The following ARHGAP22 variants were observed in gnomAD, a reference collection of about 807,000 sequenced individuals.
The protein encoded by ARHGAP22 is rho GTPase-activating protein 22.
In ARHGAP22, 48 loss-of-function variants were observed where a neutral mutation model predicts 59.1. That is an observed-to-expected ratio of 0.81 (90% CI 0.64 to 1.03). The LOEUF (loss-of-function observed/expected upper bound fraction) is 1.03. Ranked by LOEUF, ARHGAP22 falls within the 50% of genes least tolerant of loss-of-function variation. The probability of loss-of-function intolerance (pLI) is 0.00; values close to 1 mark genes in which losing one functional copy is unlikely to be tolerated. For missense variants in ARHGAP22, 1,015 were observed against 958.7 expected, an observed-to-expected ratio of 1.06 and a Z score of -0.78; for synonymous variants, 445 against 416.4, an observed-to-expected ratio of 1.07 and a Z score of -0.84.
chr10:48,451,592 A>G (rs1426636210), intron 8 of ARHGAP22: 2 of 701,522 alleles, frequency 2.9e-6, no homozygotes, highest in Non-Finnish European at 5.2e-6. Context: ...TGGGACAGGG[A>G]ATAGAGCCAT....
At chr10:48,452,130 T>C (rs1166060762) in intron 8 of ARHGAP22, among the ~76,000 whole-genome samples, 6 of 152,096 alleles carry the variant, frequency 3.9e-5, no homozygotes, top group African/African-American at 1.4e-4. Context: ...CAGCCCCCAG[T>C]CCTGGGGACT....
chr10:48,451,269 G>A, intron 8 of ARHGAP22, 129 bp from the exon 9 acceptor site: 1 of 1,300,800 alleles, frequency 7.7e-7, no homozygotes, highest in Non-Finnish European at 1.1e-6. Context: ...GCCCCTCAAG[G>A]GAGCCTTCAT....
chr10:48,582,409 T>A (rs901783029), intron 2 of ARHGAP22, among the ~76,000 whole-genome samples: 1 of 152,214 alleles, frequency 6.6e-6, no homozygotes, highest in Non-Finnish European at 1.5e-5. Flanking sequence ...GAGGCTATAC[T>A]GTGATGGGCG....
intron 3 of ARHGAP22, among the ~76,000 whole-genome samples, chr10:48,531,431 T>A (rs545052935): frequency 1.3e-5 from 2 of 152,262 alleles, no homozygotes; most frequent in African/African-American, 4.8e-5. Context: ...TACATTTTTT[T>A]AAAAAAGGAA....
At chr10:48,606,830 C>T (rs1189291065), upstream of ARHGAP22, among the ~76,000 whole-genome samples, 2 of 152,180 alleles carry the variant, frequency 1.3e-5, no homozygotes, top group East Asian at 3.9e-4. Flanking sequence ...CCCCTGGGCC[C>T]TTATCTATGT....
intron 2 of ARHGAP22, among the ~76,000 whole-genome samples, chr10:48,565,990 G>T (rs530114143): frequency 5.9e-5 from 9 of 152,210 alleles, no homozygotes; most frequent in African/African-American, 2.2e-4. Flanking sequence ...CAGGGCCCGG[G>T]ATGTCTGTAA....
chr10:48,543,625 G>A (rs1409311717), intron 3 of ARHGAP22, among the ~76,000 whole-genome samples: 1 of 152,162 alleles, frequency 6.6e-6, no homozygotes, highest in African/African-American at 2.4e-5. Flanking sequence ...CATTAGAAAT[G>A]CAGATTCCTT....
intron 2 of ARHGAP22, among the ~76,000 whole-genome samples, chr10:48,576,246 C>T (rs573658567): frequency 6.6e-6 from 1 of 152,324 alleles, no homozygotes; most frequent in South Asian, 2.1e-4. Flanking sequence ...CTTCCAAGAA[C>T]CTCCAATATG....
At chr10:48,488,833 G>A (rs2050098032) in intron 3 of ARHGAP22, among the ~76,000 whole-genome samples, 1 of 152,148 alleles carries the variant, frequency 6.6e-6, no homozygotes, top group African/African-American at 2.4e-5. Context: ...TTTTCTCTCT[G>A]TGCAGCTCTT....
chr10:48,547,677 A>C (rs1199817684), intron 3 of ARHGAP22, among the ~76,000 whole-genome samples: 1 of 152,228 alleles, frequency 6.6e-6, no homozygotes, highest in Admixed American at 6.5e-5. Context: ...CCTCAGATCC[A>C]GGGTGGCCAT....
chr10:48,552,462 C>T (rs1173046934), intron 3 of ARHGAP22, among the ~76,000 whole-genome samples: 1 of 152,270 alleles, frequency 6.6e-6, no homozygotes, highest in Non-Finnish European at 1.5e-5. Context: ...CCCCCAGATG[C>T]ACTTGCCACC....
intron 3 of ARHGAP22, among the ~76,000 whole-genome samples, chr10:48,517,849 C>T (rs891193971): frequency 9.9e-5 from 15 of 152,170 alleles, no homozygotes; most frequent in Admixed American, 2.0e-4. Context: ...CATCGAGTTA[C>T]GCTTGTTTCC....
intron 1 of ARHGAP22, among the ~76,000 whole-genome samples, chr10:48,637,712 A>G (rs1210499777): frequency 6.6e-6 from 1 of 152,052 alleles, no homozygotes; most frequent in Admixed American, 6.5e-5. Context: ...GAATGGGTGA[A>G]TGGATGGTGC....
chr10:48,457,051 C>A (rs2046599615), intron 5 of ARHGAP22, among the ~76,000 whole-genome samples: 1 of 152,254 alleles, frequency 6.6e-6, no homozygotes, highest in Middle Eastern at 3.4e-3. Context: ...GAAAGGGCAG[C>A]AGCTGGTCAG....
At chr10:48,456,782 G>A (rs2046559827) in intron 5 of ARHGAP22, among the ~76,000 whole-genome samples, 1 of 151,920 alleles carries the variant, frequency 6.6e-6, no homozygotes, top group Non-Finnish European at 1.5e-5. Flanking sequence ...TATCCGCTCA[G>A]TACCTGAGCT....
At chr10:48,510,954 G>A (rs1222923032) in intron 3 of ARHGAP22, 2 of 152,272 alleles carry the variant, frequency 1.3e-5, no homozygotes, top group African/African-American at 4.8e-5. Flanking sequence ...AAGTAAGCGT[G>A]ATGCCATCAT....
intron 1 of ARHGAP22, among the ~76,000 whole-genome samples, chr10:48,640,194 A>AT (rs1319268914): frequency 6.6e-6 from 1 of 152,210 alleles, no homozygotes; most frequent in East Asian, 1.9e-4. Flanking sequence ...AATTTTAAAA[A>AT]TTGAAGCACA....
In ARHGAP22 at chr10:48,506,057, G is replaced by A. The variant is rs538398456; in HGVS notation, c.323-26293C>T. Reference sequence around the variant, plus strand: ...TCACCGACGCTCCTTCCCTCTTCACGAGGAGTTCCTGTAAGGTCAGGCAGC... The same window carrying A: ...TCACCGACGCTCCTTCCCTCTTCACAAGGAGTTCCTGTAAGGTCAGGCAGC... On this transcript the variant is annotated intron_variant, in intron 3 of 9. Coordinates refer to ENST00000249601, the MANE Select transcript of ARHGAP22 (RefSeq NM_021226.4). Among the ~76,000 whole-genome samples, 10 of 152,286 alleles carry A rather than the reference G, an allele frequency of 6.6e-5. No homozygotes were observed. In the East Asian group the frequency reaches 1.5e-3, roughly 23 times the overall value.
intron 1 of ARHGAP22, among the ~76,000 whole-genome samples, chr10:48,610,459 G>T (rs1243707727): frequency 2.0e-5 from 3 of 152,184 alleles, no homozygotes; most frequent in African/African-American, 7.2e-5. Context: ...TAGGGGCACT[G>T]CATTGGCTCA....
Sources: allele counts gnomAD v4.1 joint callset (sites outside exome capture counted in the v4.1 genomes callset), GRCh38; gene constraint gnomAD v4.1.1; transcripts MANE v1.5; gene names NCBI Gene and HGNC (gene_info 2026-07-23, HGNC 2026-07-21).